HIVEP1: variants seen among roughly 807,000 people sequenced by gnomAD.
The protein encoded by HIVEP1 is HIVEP zinc finger 1, also known as zinc finger protein 40.
HIVEP1 carries 36 observed loss-of-function variants against 180.0 expected under a neutral mutation model. That is an observed-to-expected ratio of 0.20 (90% CI 0.15 to 0.26). The LOEUF is 0.26. Ranked by LOEUF, HIVEP1 falls within the 10% of genes least tolerant of loss-of-function variation. The pLI, the probability that HIVEP1 is intolerant of heterozygous loss-of-function variation, is 1.00. For synonymous variants in HIVEP1, 1,239 were observed against 1,239.0 expected (o/e 1.00, Z 0.00); for missense variants, 3,143 against 3,268.7 (o/e 0.96, Z 0.94).
intron 4 of HIVEP1, among the ~76,000 whole-genome samples, chr6:12,127,752 C>T (rs1181459727): frequency 2.6e-5 from 4 of 152,094 alleles, no homozygotes; most frequent in Non-Finnish European, 5.9e-5. Flanking sequence ...AGAGTTTGAT[C>T]ATAGAGGAAG....
Position 12,123,959 on chromosome 6 carries a change from C to G in HIVEP1, c.4164C>G (p.Phe1388Leu). ...MEVSDLRSKS[F>L]DCGSITPPQT... Reference sequence around the variant, plus strand: ...TCTCTGATCTCAGAAGCAAATCATTCGATTGTGGAAGCATCACCCCACCCC... The same window carrying G: ...TCTCTGATCTCAGAAGCAAATCATTGGATTGTGGAAGCATCACCCCACCCC... Residue 1388 changes from phenylalanine (F) to leucine (L), a missense_variant, in exon 4 of 9, where the codon TTC (phenylalanine) becomes TTG (leucine). By Grantham distance (22) the Phe-to-Leu change is conservative (BLOSUM62 0). Around this residue, in one of 12 missense-constraint regions of HIVEP1, gnomAD observed 1,357 missense variants for 1,260.5 expected, o/e 1.08. Transcript: ENST00000379388. 1 of 1,614,028 alleles carries G rather than the reference C, an allele frequency of 6.2e-7. No individual in the cohort carries two copies. Among genetic ancestry groups the G allele is most frequent in the East Asian group, 2.2e-5 (1 of 44,878 alleles).
the HIVEP1 span, among the ~76,000 whole-genome samples, chr6:12,170,226 G>C: frequency 4.3e-3 from 651 of 152,242 alleles, 6 homozygotes; most frequent in African/African-American, 0.015. Context: ...CAAGATGCAA[G>C]GTATCTTGAA....
chr6:12,090,392 T>C (rs115393111), intron 3 of HIVEP1, among the ~76,000 whole-genome samples: 3 of 152,126 alleles, frequency 2.0e-5, no homozygotes, highest in Admixed American at 1.3e-4. Flanking sequence ...CAGGTATCTG[T>C]AGGGGAAATA....
chr6:12,180,902 A>T, the HIVEP1 span, among the ~76,000 whole-genome samples: 1 of 152,248 alleles, frequency 6.6e-6, no homozygotes, highest in Non-Finnish European at 1.5e-5. Context: ...AGGTGTAAAC[A>T]ACATGTGATT....
chr6:12,082,063 C>T (rs1404080965), intron 2 of HIVEP1, among the ~76,000 whole-genome samples: 1 of 152,070 alleles, frequency 6.6e-6, no homozygotes, highest in African/African-American at 2.4e-5. Context: ...TTAACCATTC[C>T]TTTTTTACCT....
chr6:12,146,580 T>G (rs1296806730), intron 7 of HIVEP1, among the ~76,000 whole-genome samples: 1 of 152,226 alleles, frequency 6.6e-6, no homozygotes, highest in Non-Finnish European at 1.5e-5. Context: ...TCAGTATAGG[T>G]ATTGTTAATG....
At chr6:12,024,341 T>C (rs1311052275) in intron 2 of HIVEP1, among the ~76,000 whole-genome samples, 1 of 152,090 alleles carries the variant, frequency 6.6e-6, no homozygotes, top group Non-Finnish European at 1.5e-5. Flanking sequence ...GAAAATATTC[T>C]AAGGCTGTGC....
intron 2 of HIVEP1, among the ~76,000 whole-genome samples, chr6:12,050,139 G>C (rs1007954910): frequency 6.6e-6 from 1 of 152,064 alleles, no homozygotes; most frequent in Non-Finnish European, 1.5e-5. Context: ...CACCTACTCC[G>C]CCAGCCCAGT....
At chr6:12,206,490 G>C in the HIVEP1 span, among the ~76,000 whole-genome samples, 1 of 152,206 alleles carries the variant, frequency 6.6e-6, no homozygotes, top group East Asian at 1.9e-4. Context: ...GAGAAAGAGA[G>C]AGAGAATGCC....
intron 2 of HIVEP1, among the ~76,000 whole-genome samples, chr6:12,051,026 A>ATATATATG (rs1329873734): frequency 2.1e-5 from 3 of 141,220 alleles, no homozygotes; most frequent in African/African-American, 7.9e-5. Context: ...ATATATATAT[A>ATATATATG]TATATGTATA....
Position 12,121,048 on chromosome 6 carries a change from C to T in HIVEP1, c.1253C>T (p.Pro418Leu). The T allele has an allele frequency of 6.2e-7, 1 of 1,614,142 alleles. No homozygotes were observed. The highest frequency in any genetic ancestry group is 1.1e-5 in the South Asian group (1 of 91,062). Residue 418 changes from proline (P) to leucine (L), a missense_variant, in exon 4 of 9, where the codon CCT (proline) becomes CTT (leucine). This residue lies in a region of HIVEP1 where 28 missense variants were observed against 73.6 expected (regional missense o/e 0.38). Transcript: ENST00000379388. This position sits in a 1 kb window ranked among gnomAD's most constrained non-coding sequence, Gnocchi z 5.3. ...CEYCNRACAK[P>L]SVLLKHIRSH... ...TATTGCAATAGAGCATGTGCAAAGC[C>T]TAGTGTGCTTTTAAAGCATATCCGC...
chr6:12,025,523 C>T (rs757899501), intron 2 of HIVEP1, among the ~76,000 whole-genome samples: 1 of 152,104 alleles, frequency 6.6e-6, no homozygotes, highest in Non-Finnish European at 1.5e-5. Context: ...TGGAGAATGG[C>T]AGTGTTTAAG....
chr6:12,199,419 T>C, the HIVEP1 span, among the ~76,000 whole-genome samples: 1 of 135,914 alleles, frequency 7.4e-6, no homozygotes, highest in Non-Finnish European at 1.5e-5. Context: ...TGGAGGACAA[T>C]GGCGTGATCT....
intron 2 of HIVEP1, among the ~76,000 whole-genome samples, chr6:12,019,828 T>C (rs899098132): frequency 6.6e-6 from 1 of 152,226 alleles, no homozygotes; most frequent in Admixed American, 6.5e-5. Context: ...CAGGGTAACA[T>C]GTATCTTTCA....
intron 2 of HIVEP1, among the ~76,000 whole-genome samples, chr6:12,036,576 C>T (rs968053790): frequency 2.0e-5 from 3 of 152,270 alleles, no homozygotes; most frequent in East Asian, 3.9e-4. Context: ...GTCCTGTAGG[C>T]GGACACATAA....
chr6:12,041,719 A>T (rs1769736976), intron 2 of HIVEP1, among the ~76,000 whole-genome samples: 1 of 151,862 alleles, frequency 6.6e-6, no homozygotes, highest in Non-Finnish European at 1.5e-5. Flanking sequence ...GCTGGAGTTC[A>T]GTTGCTTGAT....
At chr6:12,015,790 C>A in intron 2 of HIVEP1, 122 bp downstream of exon 2, 2 of 780,914 alleles carry the variant, frequency 2.6e-6, no homozygotes, top group South Asian at 1.6e-5. Flanking sequence ...CGCTATTTCT[C>A]TTGCTCATTT....
chr6:12,147,015 G>A (rs954990525), intron 7 of HIVEP1, among the ~76,000 whole-genome samples: 2 of 152,060 alleles, frequency 1.3e-5, no homozygotes, highest in Non-Finnish European at 2.9e-5. Flanking sequence ...GGAAAGGAAG[G>A]GCAAACATTC....
chr6:12,135,058 T>C (rs3777773), intron 6 of HIVEP1, among the ~76,000 whole-genome samples: 1 of 152,120 alleles, frequency 6.6e-6, no homozygotes, highest in East Asian at 1.9e-4. Context: ...TTAAAAGGCC[T>C]TATGGGAATC....
Sources: gnomAD v4.1 joint callset for allele counts (sites outside exome capture counted in the v4.1 genomes callset) on GRCh38, gnomAD v4.1.1 for gene constraint, gnomAD v4.1.1 regional missense constraint, Gnocchi (gnomAD v3.1) non-coding constraint, MANE v1.5 for transcripts, NCBI Gene and HGNC (gene_info 2026-07-23, HGNC 2026-07-21) for gene names.